The following MME variants were observed in gnomAD, a reference collection of about 807,000 sequenced individuals.
The protein encoded by MME is neprilysin.
Under a neutral mutation model 113.2 loss-of-function variants are expected in MME, and 98 were observed. The ratio of observed to expected loss-of-function variants is 0.87; its 90% CI spans 0.74 to 1.02. The LOEUF is 1.02. Ranked by LOEUF, MME falls within the 50% of genes least tolerant of loss-of-function variation. The pLI is 0.00. For synonymous variants in MME, 292 were observed against 300.6 expected, an observed-to-expected ratio of 0.97 and a Z score of 0.30; for missense variants, 836 against 896.0, an observed-to-expected ratio of 0.93 and a Z score of 0.86.
chr3:155,125,509 G>C (rs1719575553), intron 8 of MME, among the ~76,000 whole-genome samples: 1 of 126,192 alleles, frequency 7.9e-6, no homozygotes, highest in Non-Finnish European at 1.6e-5. Context: ...ACCCAGGCTA[G>C]AGTGCAGTGG....
At chr3:155,034,182 C>T (rs1713058632) in intron 1 of MME, among the ~76,000 whole-genome samples, 1 of 152,040 alleles carries the variant, frequency 6.6e-6, no homozygotes, top group Admixed American at 6.6e-5. Flanking sequence ...AATCCTTTAC[C>T]TATATAGCAA....
Position 155,028,583 on chromosome 3 carries a change from T to A in MME, c.-11+4259T>A, listed in dbSNP as rs79859014. Among the ~76,000 whole-genome samples the A allele has an allele frequency of 5.4e-3, 819 of 152,268 alleles. 4 individuals carry two copies. Among genetic ancestry groups the A allele is most frequent in the African/African-American group, 0.019 (792 of 41,560 alleles). On this transcript the variant is annotated intron_variant, in intron 1 of 22. Coordinates refer to the MME transcript ENST00000492661. ...CACACTTTATAGATGGAGGAACAGA[T>A]CATCAGAGCAAGATAGCAGACTTTT... is the stretch of plus-strand genomic sequence containing the variant.
intron 3 of MME, among the ~76,000 whole-genome samples, chr3:155,098,830 C>T (rs948713443): frequency 2.4e-4 from 36 of 151,912 alleles, no homozygotes; most frequent in Non-Finnish European, 1.3e-4. Flanking sequence ...AATTCTTAAG[C>T]TAGAGTGTAG....
At position 155,114,745 on chromosome 3, in the gene MME, G is replaced by A. The variant is rs374534525; in HGVS notation, c.197-249G>A. Among the ~76,000 whole-genome samples, 5 of 152,220 alleles carry A rather than the reference G, an allele frequency of 3.3e-5. No individual in the cohort carries two copies. In the East Asian group the frequency reaches 9.7e-4, roughly 29 times the overall value. On this transcript the variant is annotated intron_variant, in intron 3 of 22. Coordinates refer to ENST00000360490, the MANE Select transcript of MME (RefSeq NM_007289.4). ...AAACTTAGTTATTCAGGGGTGGGGT[G>A]GGAAGGCTGTGGGACCCAGGGTGGA...
chr3:155,140,410 C>CTTTTT (rs35653282), intron 10 of MME, 118 bp downstream of exon 10: 46 of 288,854 alleles, frequency 1.6e-4, no homozygotes, highest in Non-Finnish European at 1.8e-4. Flanking sequence ...ACTTCAATTC[C>CTTTTT]TTTTTTTTTT....
chr3:155,086,652 T>C (rs904224867), intron 3 of MME, among the ~76,000 whole-genome samples: 3 of 152,312 alleles, frequency 2.0e-5, no homozygotes, highest in African/African-American at 4.8e-5. Context: ...AAAAGGAAGG[T>C]GGTAGCTGAG....
chr3:155,068,361 T>C (rs1298444905), intron 1 of MME, among the ~76,000 whole-genome samples: 1 of 152,188 alleles, frequency 6.6e-6, no homozygotes, highest in Non-Finnish European at 1.5e-5. Flanking sequence ...TTTATTATCT[T>C]GATTGGATGA....
chr3:155,147,560 G>A (rs957034030), intron 15 of MME, among the ~76,000 whole-genome samples: 5 of 152,114 alleles, frequency 3.3e-5, no homozygotes, highest in African/African-American at 7.2e-5. Flanking sequence ...CACAGGCTTC[G>A]AGTTTCCCTC....
intron 1 of MME, among the ~76,000 whole-genome samples, chr3:155,052,018 C>G (rs1713779965): frequency 6.6e-6 from 1 of 152,158 alleles, no homozygotes; most frequent in Non-Finnish European, 1.5e-5. Flanking sequence ...GGTTATACGC[C>G]CCATACAAAT....
chr3:155,171,530 A>G (rs1475707854), intron 20 of MME, among the ~76,000 whole-genome samples: 1 of 152,152 alleles, frequency 6.6e-6, no homozygotes, highest in Non-Finnish European at 1.5e-5. Context: ...CTGACATTCA[A>G]ATTACCTAAA....
chr3:155,053,063 G>A (rs1424128686), intron 1 of MME, among the ~76,000 whole-genome samples: 1 of 152,088 alleles, frequency 6.6e-6, no homozygotes, highest in Non-Finnish European at 1.5e-5. Context: ...GACCACCTTG[G>A]CCTAGATTTT....
chr3:155,054,035 A>T (rs1043323213), intron 1 of MME, among the ~76,000 whole-genome samples: 5 of 152,200 alleles, frequency 3.3e-5, no homozygotes, highest in Non-Finnish European at 7.3e-5. Flanking sequence ...ATTGCTAAGA[A>T]TTGCCAGCAA....
intron 1 of MME, among the ~76,000 whole-genome samples, chr3:155,045,568 C>T (rs1713530541): frequency 6.6e-6 from 1 of 150,856 alleles, no homozygotes; most frequent in African/African-American, 2.4e-5. Flanking sequence ...ACTCTGTCAC[C>T]CAGGCTGGTA....
rs1470643525 is a variant in MME at position 155,063,248 on chromosome 3, A to ATGTATATTTATATGT, written c.-10-20910_-10-20909insTGTATATTTATATGT. On this transcript the variant is annotated intron_variant, in intron 1 of 22. Coordinates refer to the MME transcript ENST00000492661. The stretch of plus-strand genomic sequence containing the variant: ...TGTATATTATTATATATTATATAAT[A>ATGTATATTTATATGT]ATATACATATAATGTATATTATTTA... Among the ~76,000 whole-genome samples, 68 of 116,796 alleles carry ATGTATATTTATATGT rather than the reference A, an allele frequency of 5.8e-4. 2 individuals carry two copies. The highest frequency in any genetic ancestry group is 2.3e-3 in the East Asian group (10 of 4,316). 76.6% of individuals were successfully genotyped at this position (116,796 alleles called of 152,430 possible). A position where few individuals can be genotyped will look rare whatever the true frequency, so the allele number is the denominator to read the frequency against.
At chr3:155,052,176 G>A (rs775144361) in intron 1 of MME, among the ~76,000 whole-genome samples, 12 of 152,126 alleles carry the variant, frequency 7.9e-5, no homozygotes, top group Admixed American at 3.9e-4. Flanking sequence ...GTACAGTCCC[G>A]CATCCTGGCT....
At chr3:155,099,530 C>A (rs1370115454) in intron 3 of MME, among the ~76,000 whole-genome samples, 2 of 152,150 alleles carry the variant, frequency 1.3e-5, no homozygotes, top group Non-Finnish European at 2.9e-5. Context: ...TGAGCAGGTA[C>A]CCAATAGCCA....
chr3:155,177,041 G>A (rs1477410993), intron 22 of MME, among the ~76,000 whole-genome samples: 2 of 152,100 alleles, frequency 1.3e-5, no homozygotes, highest in Non-Finnish European at 2.9e-5. Context: ...GTTATCTGAA[G>A]ACGTTTCTTT....
chr3:155,106,787 A>G (rs2108229782), intron 3 of MME, among the ~76,000 whole-genome samples: 1 of 152,334 alleles, frequency 6.6e-6, no homozygotes, highest in Non-Finnish European at 1.5e-5. Context: ...TCTGCTAATA[A>G]AGCAAGGATT....
chr3:155,061,646 A>G (rs1714150854), intron 1 of MME, among the ~76,000 whole-genome samples: 1 of 151,566 alleles, frequency 6.6e-6, no homozygotes, highest in Non-Finnish European at 1.5e-5. Context: ...ATTAATTCTA[A>G]CAATTTATCT....
Sources: gnomAD v4.1 joint callset for allele counts (sites outside exome capture counted in the v4.1 genomes callset) on GRCh38, gnomAD v4.1.1 for gene constraint, MANE v1.5 for transcripts, NCBI Gene and HGNC (gene_info 2026-07-23, HGNC 2026-07-21) for gene names.